Variants in NTNG1 observed in about 807,000 individuals in gnomAD.
The protein encoded by NTNG1 is netrin-G1.
NTNG1 carries 16 observed loss-of-function variants against 54.0 expected under a neutral mutation model. The ratio of observed to expected loss-of-function variants is 0.30; its 90% CI spans 0.20 to 0.45. NTNG1 has a LOEUF of 0.45. Ranked by LOEUF, NTNG1 falls within the 20% of genes least tolerant of loss-of-function variation. The pLI, the probability that NTNG1 is intolerant of heterozygous loss-of-function variation, is 1.00. For synonymous variants in NTNG1, 255 were observed against 263.1 expected (o/e 0.97, Z 0.30); for missense variants, 530 against 678.7 (o/e 0.78, Z 2.43).
intron 2 of NTNG1, among the ~76,000 whole-genome samples, chr1:107,244,042 C>T (rs1662019906): frequency 6.6e-6 from 1 of 152,256 alleles, no homozygotes; most frequent in South Asian, 2.1e-4. Context: ...ATCTTTCAAT[C>T]CATGGCAATA....
chr1:107,450,387 A>C (rs1676552260), intron 7 of NTNG1, among the ~76,000 whole-genome samples: 1 of 152,176 alleles, frequency 6.6e-6, no homozygotes. Context: ...ATTAAATAAC[A>C]CAATGAATTA....
At chr1:107,170,608 G>A (rs1656148252) in intron 2 of NTNG1, among the ~76,000 whole-genome samples, 1 of 151,990 alleles carries the variant, frequency 6.6e-6, no homozygotes, top group African/African-American at 2.4e-5. Context: ...AATTATTGCT[G>A]CTGATAATCT....
At chr1:107,373,570 CT>C (rs572377349) in intron 3 of NTNG1, among the ~76,000 whole-genome samples, 1,674 of 135,998 alleles carry the variant, frequency 0.012, 18 homozygotes, top group African/African-American at 0.034. Flanking sequence ...GTATGTTATC[CT>C]TTTTTTTTTT....
At chr1:107,321,840 G>A (rs1667678154) in intron 2 of NTNG1, among the ~76,000 whole-genome samples, 2 of 152,016 alleles carry the variant, frequency 1.3e-5, no homozygotes, top group Non-Finnish European at 2.9e-5. Context: ...GGGAACTCCA[G>A]TGACTTGGGA....
chr1:107,433,986 T>A (rs745422304), intron 6 of NTNG1, among the ~76,000 whole-genome samples: 2 of 152,320 alleles, frequency 1.3e-5, no homozygotes, highest in African/African-American at 2.4e-5. Flanking sequence ...TAATTGAGAG[T>A]TAATCTTAAT....
At chr1:107,433,756 T>A (rs193278522) in intron 6 of NTNG1, among the ~76,000 whole-genome samples, 66 of 152,324 alleles carry the variant, frequency 4.3e-4, no homozygotes, top group Admixed American at 2.0e-3. Flanking sequence ...CTTAAAAAGC[T>A]GTAGATTTCA....
chr1:107,251,902 A>T (rs1662631628), intron 2 of NTNG1, among the ~76,000 whole-genome samples: 1 of 152,170 alleles, frequency 6.6e-6, no homozygotes, highest in Non-Finnish European at 1.5e-5. Flanking sequence ...TGGGCTCCTA[A>T]AGGCAGAGGA....
rs1490829398 is a variant in NTNG1, at chr1:107,245,833, A to G, written c.247-78449A>G. On this transcript the variant is annotated intron_variant, in intron 2 of 7. Coordinates refer to ENST00000370068, the MANE Select transcript of NTNG1 (RefSeq NM_001113226.3). The stretch of plus-strand genomic sequence containing the variant: ...ATTTTCTCATCTATTAAATGGAAGT[A>G]ATACCTATCCCAAAAATTGTTCTAT... Among the ~76,000 whole-genome samples, 4 of 152,192 alleles carry G rather than the reference A, an allele frequency of 2.6e-5. No individual in the cohort carries two copies. The East Asian group carries it at 7.7e-4, about 29-fold the overall frequency.
At chr1:107,413,748 A>T (rs775521121) in intron 5 of NTNG1, among the ~76,000 whole-genome samples, 3 of 152,158 alleles carry the variant, frequency 2.0e-5, no homozygotes, top group Non-Finnish European at 4.4e-5. Flanking sequence ...TTTTCCGACC[A>T]GGCAGCCAAG....
chr1:107,193,491 C>A (rs996893682), intron 2 of NTNG1, among the ~76,000 whole-genome samples: 28 of 152,078 alleles, frequency 1.8e-4, no homozygotes, highest in African/African-American at 5.5e-4. Context: ...CTTTCTTAAT[C>A]TTTTAGTAAT....
intron 6 of NTNG1, among the ~76,000 whole-genome samples, chr1:107,435,414 A>T (rs769666449): frequency 9.2e-5 from 14 of 152,176 alleles, no homozygotes; most frequent in Non-Finnish European, 1.9e-4. Context: ...TTTTACCTAC[A>T]TATATAACTA....
At chr1:107,154,469 G>T (rs887705735) in intron 2 of NTNG1, among the ~76,000 whole-genome samples, 36 of 151,528 alleles carry the variant, frequency 2.4e-4, no homozygotes, top group African/African-American at 8.7e-4. Context: ...GGTGACATGC[G>T]CCTGTAGTCC....
intron 7 of NTNG1, among the ~76,000 whole-genome samples, chr1:107,451,956 G>C (rs1676650567): frequency 6.6e-6 from 1 of 152,124 alleles, no homozygotes; most frequent in Non-Finnish European, 1.5e-5. Context: ...AAACTCTAAG[G>C]TCTATTCCAG....
At chr1:107,362,775 A>G (rs1244945751) in intron 3 of NTNG1, among the ~76,000 whole-genome samples, 1 of 152,250 alleles carries the variant, frequency 6.6e-6, no homozygotes, top group Non-Finnish European at 1.5e-5. Flanking sequence ...AAATGATGCT[A>G]TTTTCAATTT....
At chr1:107,214,333 T>C (rs1659799075) in intron 2 of NTNG1, among the ~76,000 whole-genome samples, 1 of 152,184 alleles carries the variant, frequency 6.6e-6, no homozygotes, top group Non-Finnish European at 1.5e-5. Flanking sequence ...TGTGTCCTCA[T>C]AGCTTAGCTC....
intron 2 of NTNG1, among the ~76,000 whole-genome samples, chr1:107,252,466 C>G (rs570422116): frequency 8.5e-5 from 13 of 152,192 alleles, no homozygotes; most frequent in Admixed American, 2.0e-4. Flanking sequence ...AAATTGCAGA[C>G]AGCTAGGCCA....
At chr1:107,277,272 G>A (rs1253530033) in intron 2 of NTNG1, among the ~76,000 whole-genome samples, 1 of 152,094 alleles carries the variant, frequency 6.6e-6, no homozygotes, top group East Asian at 1.9e-4. Flanking sequence ...GGATTTCAGA[G>A]CCCAGAAGCC....
chr1:107,377,020 A>G (rs1411996396), intron 3 of NTNG1, among the ~76,000 whole-genome samples: 1 of 152,230 alleles, frequency 6.6e-6, no homozygotes, highest in African/African-American at 2.4e-5. Flanking sequence ...GGGGGAGATT[A>G]AAGTGCCCTG....
At position 107,240,424 on chromosome 1, in the gene NTNG1, G is replaced by A. The variant is rs376488929; in HGVS notation, c.247-83858G>A. Among the ~76,000 whole-genome samples, 23 of 152,190 alleles carry A rather than the reference G, an allele frequency of 1.5e-4. No individual in the cohort carries two copies. The East Asian group carries it at 4.5e-3, about 29-fold the overall frequency. ...TACCTGACCTTTGCACTCCAGAAGA[G>A]CCCAGAAGCCACCTTTGGGACTGAG... On this transcript the variant is annotated intron_variant, in intron 2 of 7. Coordinates refer to ENST00000370068, the MANE Select transcript of NTNG1 (RefSeq NM_001113226.3).
Sources: gnomAD v4.1 joint callset for allele counts (sites outside exome capture counted in the v4.1 genomes callset) on GRCh38, gnomAD v4.1.1 for gene constraint, MANE v1.5 for transcripts, NCBI Gene and HGNC (gene_info 2026-07-23, HGNC 2026-07-21) for gene names.